KIAA0825: variants seen among roughly 807,000 people sequenced by gnomAD.
KIAA0825 encodes uncharacterized protein KIAA0825.
In KIAA0825, 119 loss-of-function variants were observed where a neutral mutation model predicts 147.6. The observed-to-expected ratio is 0.81, with a 90% CI of 0.69 to 0.94. KIAA0825 has a LOEUF of 0.94. Ranked by LOEUF, KIAA0825 falls within the 40% of genes least tolerant of loss-of-function variation. The pLI, the probability that KIAA0825 is intolerant of heterozygous loss-of-function variation, is 0.00. For missense variants in KIAA0825, 1,381 were observed against 1,472.7 expected (o/e 0.94, Z 1.02); for synonymous variants, 470 against 518.1 (o/e 0.91, Z 1.26).
chr5:94,337,474 A>G (rs886212189), intron 20 of KIAA0825, among the ~76,000 whole-genome samples: 1 of 152,178 alleles, frequency 6.6e-6, no homozygotes, highest in Non-Finnish European at 1.5e-5. Context: ...TATTGTTTAC[A>G]TTTATTATTC....
intron 14 of KIAA0825, among the ~76,000 whole-genome samples, chr5:94,428,508 T>C (rs1755211179): frequency 6.6e-6 from 1 of 152,172 alleles, no homozygotes; most frequent in Admixed American, 6.5e-5. Context: ...TTTGTGAAGC[T>C]TAGTTTGGTG....
At chr5:94,230,193 T>A (rs1372834677) in intron 20 of KIAA0825, among the ~76,000 whole-genome samples, 1 of 152,176 alleles carries the variant, frequency 6.6e-6, no homozygotes, top group Admixed American at 6.6e-5. Flanking sequence ...GAAAAGAATC[T>A]CCCACTTGGA....
At chr5:94,359,421 T>A (rs866861779) in intron 20 of KIAA0825, among the ~76,000 whole-genome samples, 1 of 152,150 alleles carries the variant, frequency 6.6e-6, no homozygotes, top group Non-Finnish European at 1.5e-5. Flanking sequence ...AATGAAATGA[T>A]CAGTGTTTGT....
At chr5:94,211,792 C>A (rs1277483137) in intron 20 of KIAA0825, among the ~76,000 whole-genome samples, 1 of 152,130 alleles carries the variant, frequency 6.6e-6, no homozygotes, top group Non-Finnish European at 1.5e-5. Context: ...TCCAAGTGAA[C>A]ATTCTTCATT....
chr5:94,431,295 G>A (rs1449068527), intron 14 of KIAA0825, among the ~76,000 whole-genome samples: 1 of 152,154 alleles, frequency 6.6e-6, no homozygotes, highest in Non-Finnish European at 1.5e-5. Flanking sequence ...GAAAATGAGA[G>A]TTTAGAGAGA....
chr5:94,400,346 A>T (rs1003729066), intron 16 of KIAA0825, among the ~76,000 whole-genome samples: 17 of 152,186 alleles, frequency 1.1e-4, no homozygotes, highest in Non-Finnish European at 5.9e-5. Context: ...AAGATATGAT[A>T]CTTTTGTAGG....
intron 5 of KIAA0825, among the ~76,000 whole-genome samples, chr5:94,490,829 C>T (rs1446949987): frequency 6.6e-6 from 1 of 152,064 alleles, no homozygotes; most frequent in Non-Finnish European, 1.5e-5. Flanking sequence ...AGTATTAACC[C>T]CATTCTCTTC....
intron 20 of KIAA0825, among the ~76,000 whole-genome samples, chr5:94,248,427 C>T (rs1775742732): frequency 6.6e-6 from 1 of 152,088 alleles, no homozygotes. Context: ...GGCAAATTAT[C>T]ATGGTCATCA....
chr5:94,384,265 C>T (rs1298324851), intron 20 of KIAA0825, 103 bp downstream of exon 20: 2 of 786,660 alleles, frequency 2.5e-6, no homozygotes, highest in South Asian at 3.7e-5. Flanking sequence ...TTTCACTTTT[C>T]CCAAAAGTAT....
At chr5:94,199,033 G>A (rs1364428623) in intron 20 of KIAA0825, among the ~76,000 whole-genome samples, 7 of 151,990 alleles carry the variant, frequency 4.6e-5, no homozygotes, top group African/African-American at 4.8e-5. Flanking sequence ...TTCTAAATTC[G>A]ATATCTGTCA....
chr5:94,216,433 T>A (rs899066832), intron 20 of KIAA0825, among the ~76,000 whole-genome samples: 15 of 152,298 alleles, frequency 9.8e-5, no homozygotes, highest in South Asian at 2.1e-4. Flanking sequence ...TCAGATGGAA[T>A]GGAAGGTAGG....
chr5:94,491,093 T>A (rs1763681703), intron 5 of KIAA0825, among the ~76,000 whole-genome samples: 1 of 151,764 alleles, frequency 6.6e-6, no homozygotes, highest in Admixed American at 6.6e-5. Context: ...AGCTGGAGGA[T>A]CAGTATAATA....
intron 1 of KIAA0825, among the ~76,000 whole-genome samples, chr5:94,584,310 G>A (rs1477516623): frequency 1.3e-5 from 2 of 152,162 alleles, no homozygotes; most frequent in Non-Finnish European, 2.9e-5. Flanking sequence ...TAGACGAATG[G>A]CTAACTACAA....
At chr5:94,278,309 T>C (rs765066283) in intron 20 of KIAA0825, among the ~76,000 whole-genome samples, 31 of 152,054 alleles carry the variant, frequency 2.0e-4, no homozygotes, top group Admixed American at 2.6e-4. Context: ...AAAAAATAAA[T>C]TGCCTCTAGC....
At chr5:94,550,880 G>A (rs962185276) in intron 2 of KIAA0825, among the ~76,000 whole-genome samples, 2 of 149,794 alleles carry the variant, frequency 1.3e-5, no homozygotes, top group African/African-American at 4.9e-5. Flanking sequence ...TTCTCCAGTA[G>A]TAGACACTAA....
chr5:94,400,869 G>A (rs906147832), intron 16 of KIAA0825, among the ~76,000 whole-genome samples: 4 of 152,146 alleles, frequency 2.6e-5, no homozygotes, highest in Admixed American at 6.5e-5. Context: ...AAGAAATGAA[G>A]AAATGCATTT....
intron 20 of KIAA0825, among the ~76,000 whole-genome samples, chr5:94,178,448 T>G (rs1277556416): frequency 6.6e-6 from 1 of 152,034 alleles, no homozygotes; most frequent in Admixed American, 6.6e-5. Context: ...TATCCTTTTT[T>G]ATGAGAAGGA....
intron 2 of KIAA0825, among the ~76,000 whole-genome samples, chr5:94,543,474 A>G (rs904605140): frequency 2.0e-5 from 3 of 152,086 alleles, no homozygotes; most frequent in African/African-American, 7.2e-5. Context: ...AAATAAAAAT[A>G]AAATAAAAAA....
chr5:94,446,492 G>GATAAC (rs1757741175), intron 13 of KIAA0825, among the ~76,000 whole-genome samples: 10 of 152,142 alleles, frequency 6.6e-5, no homozygotes, highest in Non-Finnish European at 1.2e-4. Flanking sequence ...ATGAAGATAA[G>GATAAC]CTGGCATTAC....
Sources: gnomAD v4.1 joint callset for allele counts (sites outside exome capture counted in the v4.1 genomes callset) on GRCh38, gnomAD v4.1.1 for gene constraint, MANE v1.5 for transcripts, NCBI Gene and HGNC (gene_info 2026-07-23, HGNC 2026-07-21) for gene names.